ROBO1: variants seen among roughly 807,000 people sequenced by gnomAD.
The protein encoded by ROBO1 is roundabout guidance receptor 1, also known as roundabout homolog 1.
In ROBO1, 149 loss-of-function variants were observed where a neutral mutation model predicts 195.9. The ratio of observed to expected loss-of-function variants is 0.76; its 90% CI spans 0.67 to 0.87. The LOEUF (loss-of-function observed/expected upper bound fraction) is 0.87. Among genes scored for constraint, ROBO1 ranks in the 40% least tolerant of loss-of-function variants. The pLI is 0.00. For missense variants in ROBO1, 1,933 were observed against 2,068.3 expected (o/e 0.93, Z 1.27); for synonymous variants, 816 against 733.2 (o/e 1.11, Z -1.82).
intron 1 of ROBO1, 44 bp from the exon 2 acceptor site, chr3:79,590,005 C>A: frequency 2.5e-6 from 2 of 791,136 alleles, no homozygotes; most frequent in Non-Finnish European, 2.1e-6. Flanking sequence ...GTTAGCTATG[C>A]TGAGAAACAA....
At chr3:79,477,327 TC>T (rs1938595235) in intron 2 of ROBO1, among the ~76,000 whole-genome samples, 1 of 152,172 alleles carries the variant, frequency 6.6e-6, no homozygotes, top group African/African-American at 2.4e-5. Context: ...CTTAAAAGTA[TC>T]TAAACATCTC....
At chr3:79,449,929 A>C (rs551441951) in intron 2 of ROBO1, among the ~76,000 whole-genome samples, 1 of 152,152 alleles carries the variant, frequency 6.6e-6, no homozygotes, top group East Asian at 1.9e-4. Context: ...TGAGGAACTT[A>C]GGCAGAGACA....
chr3:78,662,080 C>T lies in ROBO1; in HGVS notation c.2001G>A (p.Lys667=). ...CATTTCCCAGCTCTCTCTGGACCTGCTTGTGGTCCACCCCCTGACTTGTTG... is the reference window on the plus strand; with the variant it reads ...CATTTCCCAGCTCTCTCTGGACCTGTTTGTGGTCCACCCCCTGACTTGTTG... ...VLPTSQGVDH[K]QVQRELGNAV... Residue 667 remains lysine, a synonymous_variant, in exon 15 of 31, where the codon AAG becomes AAA. Transcript: ENST00000464233. The T allele has an allele frequency of 6.3e-7, 1 of 1,575,084 alleles. No individual in the cohort carries two copies. Among genetic ancestry groups the T allele is most frequent in the Non-Finnish European group, 8.6e-7 (1 of 1,159,224 alleles).
intron 21 of ROBO1, among the ~76,000 whole-genome samples, chr3:78,645,664 C>T (rs538876729): frequency 6.6e-6 from 1 of 151,866 alleles, no homozygotes; most frequent in South Asian, 2.1e-4. Flanking sequence ...AACAAGTTAC[C>T]CAGATTTCCT....
intron 1 of ROBO1, among the ~76,000 whole-genome samples, chr3:79,749,161 A>G (rs556446221): frequency 1.4e-3 from 218 of 152,248 alleles, no homozygotes; most frequent in Non-Finnish European, 2.8e-3. Flanking sequence ...ATCTTGTTGG[A>G]AACTGGAGTA....
In ROBO1 at chr3:78,670,306, C is replaced by T. The variant is rs1707995130; in HGVS notation, c.1343-5G>A. 5.8e-6 allele frequency: 9 copies of T among 1,554,042 alleles called. No homozygotes were observed. Among genetic ancestry groups the T allele is most frequent in the Middle Eastern group, 1.7e-4 (1 of 5,994 alleles). On this transcript the variant is annotated splice_polypyrimidine_tract_variant and splice_region_variant and intron_variant, in intron 10 of 30. Transcript: ENST00000464233. The stretch of plus-strand genomic sequence containing the variant: ...GGGGAGGCCGATCTGCAATCACTGC[C>T]AGAAGAAACAACAGGAAATAGATTT...
chr3:78,922,605 C>CTTTTTTTTT (rs565147879), intron 4 of ROBO1, among the ~76,000 whole-genome samples: 3 of 123,146 alleles, frequency 2.4e-5, no homozygotes, highest in African/African-American at 6.3e-5. Context: ...TCTTCTTCTT[C>CTTTTTTTTT]TTTTTTTTTT....
intron 2 of ROBO1, among the ~76,000 whole-genome samples, chr3:79,363,801 A>G (rs1319106854): frequency 2.0e-5 from 3 of 152,220 alleles, no homozygotes; most frequent in African/African-American, 7.2e-5. Flanking sequence ...GTGACTTGCA[A>G]TTTGAAAGCC....
intron 2 of ROBO1, among the ~76,000 whole-genome samples, chr3:79,456,096 A>G (rs1401513567): frequency 1.3e-5 from 2 of 152,120 alleles, no homozygotes; most frequent in Non-Finnish European, 2.9e-5. Flanking sequence ...TCCTGACCAT[A>G]CGTGTTAGTT....
At chr3:78,816,918 G>A (rs543748011) in intron 4 of ROBO1, among the ~76,000 whole-genome samples, 1 of 152,106 alleles carries the variant, frequency 6.6e-6, no homozygotes, top group Non-Finnish European at 1.5e-5. Flanking sequence ...AGGATTAATT[G>A]GCACATGTAT....
At chr3:78,815,652 C>T (rs1000364373) in intron 4 of ROBO1, among the ~76,000 whole-genome samples, 1 of 152,136 alleles carries the variant, frequency 6.6e-6, no homozygotes, top group Non-Finnish European at 1.5e-5. Context: ...AGCATGTTCA[C>T]AGCACCTTCA....
chr3:78,837,773 T>C (rs2032868743), intron 4 of ROBO1, among the ~76,000 whole-genome samples: 1 of 151,902 alleles, frequency 6.6e-6, no homozygotes, highest in African/African-American at 2.4e-5. Context: ...ATATAAAGTA[T>C]ACGAAAATTG....
At chr3:79,755,538 C>A (rs1359663823) in intron 1 of ROBO1, among the ~76,000 whole-genome samples, 1 of 152,078 alleles carries the variant, frequency 6.6e-6, no homozygotes, top group Admixed American at 6.6e-5. Context: ...TACCCTCGAG[C>A]ATCATCTGAA....
At chr3:79,572,975 T>A (rs1221096765) in intron 2 of ROBO1, among the ~76,000 whole-genome samples, 2 of 152,062 alleles carry the variant, frequency 1.3e-5, no homozygotes, top group South Asian at 2.1e-4. Flanking sequence ...GTGGGAAACA[T>A]TATAATAAGT....
intron 4 of ROBO1, among the ~76,000 whole-genome samples, chr3:78,903,446 C>A (rs2037705695): frequency 6.6e-6 from 1 of 151,130 alleles, no homozygotes; most frequent in Non-Finnish European, 1.5e-5. Flanking sequence ...GGAAAAAAAT[C>A]TTGACACCCA....
chr3:79,092,180 T>G (rs182453738), intron 3 of ROBO1, among the ~76,000 whole-genome samples: 50 of 152,268 alleles, frequency 3.3e-4, no homozygotes, highest in Non-Finnish European at 1.5e-4. Context: ...CCAACAGGAC[T>G]TGCTTTCAGA....
intron 4 of ROBO1, among the ~76,000 whole-genome samples, chr3:78,780,501 TC>T (rs1331370587): frequency 6.6e-6 from 1 of 152,046 alleles, no homozygotes; most frequent in Non-Finnish European, 1.5e-5. Flanking sequence ...ATCTCTCCTG[TC>T]ATGTCCCCAA....
chr3:78,880,532 A>G (rs2036119162), intron 4 of ROBO1, among the ~76,000 whole-genome samples: 1 of 152,202 alleles, frequency 6.6e-6, no homozygotes, highest in Admixed American at 6.5e-5. Context: ...TAATTGAAAG[A>G]AAGGAGTAAA....
rs1209695712 is a variant in ROBO1 at position 78,661,980 on chromosome 3, T to C, written c.2088+13A>G. 1 of 1,604,426 alleles carries C rather than the reference T, an allele frequency of 6.2e-7. No homozygotes were observed. The highest frequency in any genetic ancestry group is 8.5e-7 in the Non-Finnish European group (1 of 1,176,180). ...GCTTATTAAAACTGAGATCAAATAT[T>C]GTAACAACTCACTGTCCAGTGCACT... On this transcript the variant is annotated intron_variant, in intron 15 of 30. Coordinates refer to ENST00000464233, the MANE Select transcript of ROBO1 (RefSeq NM_002941.4).
Sources: allele counts gnomAD v4.1 joint callset (sites outside exome capture counted in the v4.1 genomes callset), GRCh38; gene constraint gnomAD v4.1.1; transcripts MANE v1.5; gene names NCBI Gene and HGNC (gene_info 2026-07-23, HGNC 2026-07-21).